Variants in VWDE observed in about 807,000 individuals in gnomAD.
The protein encoded by VWDE is von Willebrand factor D and EGF domain-containing protein.
A neutral mutation model predicts 178.4 loss-of-function variants in VWDE; 207 were observed. That is an observed-to-expected ratio of 1.16 (90% CI 1.04 to 1.30). The LOEUF is 1.30. Among genes scored for constraint, VWDE ranks in the 50% most tolerant of loss-of-function variants. The probability of loss-of-function intolerance (pLI) is 0.00; values close to 1 mark genes in which losing one functional copy is unlikely to be tolerated. For missense variants in VWDE, 2,287 were observed against 1,901.3 expected, an observed-to-expected ratio of 1.20 and a Z score of -3.77; for synonymous variants, 738 against 651.4, an observed-to-expected ratio of 1.13 and a Z score of -2.02.
At chr7:12,367,156 A>G (rs1244807938) in intron 13 of VWDE, among the ~76,000 whole-genome samples, 1 of 152,060 alleles carries the variant, frequency 6.6e-6, no homozygotes, top group African/African-American at 2.4e-5. Flanking sequence ...CCGATACTTC[A>G]ATAAAAAGTT....
chr7:12,386,253 T>TG (rs1416131008), intron 3 of VWDE, among the ~76,000 whole-genome samples: 5 of 152,220 alleles, frequency 3.3e-5, no homozygotes, highest in Admixed American at 2.6e-4. Context: ...ACTCTTGTCT[T>TG]GGCCACCCAA....
chr7:12,356,013 A>G (rs1333745860), intron 18 of VWDE, 98 bp downstream of exon 18: 6 of 858,266 alleles, frequency 7.0e-6, no homozygotes, highest in African/African-American at 1.7e-5. Context: ...AAAGATGTGT[A>G]CTAAAATCTT....
chr7:12,373,121 A>T lies in VWDE; in HGVS notation c.1443T>A (p.Phe481Leu). 1 of 1,551,372 alleles carries T rather than the reference A, an allele frequency of 6.4e-7. No homozygotes were observed. Among genetic ancestry groups the T allele is most frequent in the Non-Finnish European group, 8.7e-7 (1 of 1,146,786 alleles). ...LHYPVSCNCG[F>L]VAQEGGDIVT... is the part of the protein sequence containing the mutation. ...CTATATCACCTCCTTCCTGGGCAACAAACCCACAATTACATGACACTGGAT... is the reference window on the plus strand; with the variant it reads ...CTATATCACCTCCTTCCTGGGCAACTAACCCACAATTACATGACACTGGAT... Residue 481 changes from phenylalanine (F) to leucine (L), a missense_variant, in exon 10 of 29, where the codon TTT becomes TTA. Transcript: ENST00000275358.
At position 12,359,438 on chromosome 7, in the gene VWDE, C is replaced by A. The variant is rs767054508; in HGVS notation, c.3274+140G>T. ...TAAAATAAATATCCTATACCCTCAA[C>A]GTAAATTTTGCAGTTAGGAGAGATG... On this transcript the variant is annotated intron_variant, in intron 16 of 28. Coordinates refer to ENST00000275358, the MANE Select transcript of VWDE (RefSeq NM_001135924.3). 1.3e-5 allele frequency: 7 copies of A among 551,276 alleles called. No individual in the cohort carries two copies. In the Admixed American group the frequency reaches 1.6e-4, roughly 12 times the overall value. The allele number at this position is 551,276 out of a possible 1,614,324, so 34.1% of individuals were successfully genotyped here.
At chr7:12,349,839 A>G (rs1272434142) in intron 19 of VWDE, among the ~76,000 whole-genome samples, 1 of 152,134 alleles carries the variant, frequency 6.6e-6, no homozygotes, top group African/African-American at 2.4e-5. Context: ...AAAGTAAAAT[A>G]GCTATACATA....
At chr7:12,386,061 A>G (rs1264899980) in intron 3 of VWDE, among the ~76,000 whole-genome samples, 1 of 152,130 alleles carries the variant, frequency 6.6e-6, no homozygotes, top group East Asian at 1.9e-4. Context: ...CCCTGGTGTG[A>G]AAGTTTTGTT....
chr7:12,355,415 C>CAA (rs5882357), intron 18 of VWDE, among the ~76,000 whole-genome samples: 1,752 of 139,588 alleles, frequency 0.013, 24 homozygotes, highest in Non-Finnish European at 0.018. Flanking sequence ...AACTCCGTCT[C>CAA]AAAAAAAAAA....
At chr7:12,379,876 C>T (rs1289739474) in intron 5 of VWDE, among the ~76,000 whole-genome samples, 1 of 152,004 alleles carries the variant, frequency 6.6e-6, no homozygotes, top group Non-Finnish European at 1.5e-5. Context: ...GGGCGGATCA[C>T]GAGGTCAAGA....
chr7:12,394,184 C>A (rs916945322), intron 1 of VWDE, among the ~76,000 whole-genome samples: 1 of 152,082 alleles, frequency 6.6e-6, no homozygotes, highest in Non-Finnish European at 1.5e-5. Context: ...CCAAAGTAGC[C>A]ACATGCCTAA....
intron 26 of VWDE, among the ~76,000 whole-genome samples, 188 bp downstream of exon 26, chr7:12,336,800 G>A (rs544408836): frequency 1.3e-5 from 2 of 152,144 alleles, no homozygotes; most frequent in African/African-American, 4.8e-5. Context: ...CTGCTAACCT[G>A]AAAGAATGAG....
At chr7:12,335,080 A>G (rs146865591) in intron 27 of VWDE, among the ~76,000 whole-genome samples, 120 of 152,286 alleles carry the variant, frequency 7.9e-4, no homozygotes, top group African/African-American at 2.8e-3. Flanking sequence ...AAACAAGGGT[A>G]TGGTTCATAA....
rs1782461049 is a variant in VWDE, at chr7:12,359,641, G to A, written c.3211C>T (p.Pro1071Ser). The change falls in exon 16 of 29, where the codon CCA becomes TCA. Residue 1071 changes from proline (P) to serine (S), a missense_variant. Pro to Ser is a moderately conservative substitution (Grantham distance 74). Transcript: ENST00000275358. ...GLCYVEGDKN[P>S]TSPCLICRPK... ...CTACAAATCAAACAAGGGCTGGTTG[G>A]ATTTTTGTCTCCTTCAACATAGCAG... The A allele has an allele frequency of 6.5e-7, 1 of 1,550,212 alleles. No individual in the cohort carries two copies. Among genetic ancestry groups the A allele is most frequent in the South Asian group, 1.2e-5 (1 of 83,918 alleles).
At position 12,370,362 on chromosome 7, in the gene VWDE, C is replaced by G. The variant is rs547617818; in HGVS notation, c.1944G>C (p.Leu648Phe). 1.3e-6 allele frequency: 2 copies of G among 1,550,996 alleles called. No homozygotes were observed. Among genetic ancestry groups the G allele is most frequent in the South Asian group, 2.4e-5 (2 of 84,052 alleles). Residue 648 changes from leucine (L) to phenylalanine (F), a missense_variant, in exon 12 of 29, where the codon TTG becomes TTC. Coordinates refer to ENST00000275358, the MANE Select transcript of VWDE (RefSeq NM_001135924.3). ...TGACATGATTGAGGTCTTTGCAACCCAAGGCAATTTCTGATCGAGAAACAC... is the reference window on the plus strand; with the variant it reads ...TGACATGATTGAGGTCTTTGCAACCGAAGGCAATTTCTGATCGAGAAACAC... ...LDSVSRSEIA[L>F]GCKDLNHVSL...
chr7:12,361,641 A>C, intron 13 of VWDE, 120 bp from the exon 14 acceptor site: 1 of 906,870 alleles, frequency 1.1e-6, no homozygotes, highest in Non-Finnish European at 1.5e-6. Flanking sequence ...GTAATATATA[A>C]CAGGGAAACA....
At position 12,333,708 on chromosome 7, in the gene VWDE, G is replaced by C. The variant is rs1262026286; in HGVS notation, c.4655-140C>G. 3 of 604,126 alleles carry C rather than the reference G, an allele frequency of 5.0e-6. No individual in the cohort carries two copies. In the African/African-American group the frequency reaches 5.6e-5, roughly 11 times the overall value. 37.4% of individuals were successfully genotyped at this position (604,126 alleles called of 1,614,324 possible). A position where few individuals can be genotyped will look rare whatever the true frequency, so the allele number is the denominator to read the frequency against. ...TCTATTAATGAACCATCAATGAATG[G>C]ATCTAATCTATGTACTCTTGTCTTT... On this transcript the variant is annotated intron_variant, in intron 27 of 28. Transcript: ENST00000275358.
Position 12,336,186 on chromosome 7 carries a change from T to C in VWDE, c.4609A>G (p.Ile1537Val). ...KNGGECIAPS[I>V]CHCPSSWEGV... ...TCCCAGGAGGAAGGACAATGGCATA[T>C]GCTGGGCGCAATGCATTCACCACCG... The change falls in exon 27 of 29, where the codon ATA (isoleucine) becomes GTA (valine). Residue 1537 changes from isoleucine to valine, a missense_variant. By Grantham distance (29) the Ile-to-Val change is conservative. Transcript: ENST00000275358. 1 of 1,551,516 alleles carries C rather than the reference T, an allele frequency of 6.4e-7. No individual in the cohort carries two copies. The highest frequency in any genetic ancestry group is 8.7e-7 in the Non-Finnish European group (1 of 1,146,910).
At chr7:12,359,321 G>C (rs1429952130) in intron 16 of VWDE, among the ~76,000 whole-genome samples, 1 of 152,124 alleles carries the variant, frequency 6.6e-6, no homozygotes, top group African/African-American at 2.4e-5. Context: ...ACTGAACAGA[G>C]GTAAGGCTAA....
At chr7:12,334,494 T>G (rs1282287384) in intron 27 of VWDE, among the ~76,000 whole-genome samples, 1 of 152,190 alleles carries the variant, frequency 6.6e-6, no homozygotes, top group Non-Finnish European at 1.5e-5. Flanking sequence ...GGGCAGGTTG[T>G]GAAATCCACG....
intron 2 of VWDE, among the ~76,000 whole-genome samples, chr7:12,390,599 T>C (rs752791450): frequency 2.0e-4 from 31 of 151,622 alleles, no homozygotes; most frequent in Non-Finnish European, 4.1e-4. Flanking sequence ...TAAATAGTAC[T>C]ATATTGTGTT....
Sources: allele counts gnomAD v4.1 joint callset (sites outside exome capture counted in the v4.1 genomes callset), GRCh38; gene constraint gnomAD v4.1.1; transcripts MANE v1.5; gene names NCBI Gene and HGNC (gene_info 2026-07-23, HGNC 2026-07-21).